The following VPS13D variants were observed in gnomAD, a reference collection of about 807,000 sequenced individuals.
VPS13D encodes the protein vacuolar protein sorting 13 homolog D, also known as intermembrane lipid transfer protein VPS13D.
A neutral mutation model predicts 461.9 loss-of-function variants in VPS13D; 187 were observed. The ratio of observed to expected loss-of-function variants is 0.40; its 90% CI spans 0.36 to 0.46. The LOEUF is 0.46. Among genes scored for constraint, VPS13D ranks in the 20% least tolerant of loss-of-function variants. The pLI is 0.60. For synonymous variants in VPS13D, 1,951 were observed against 1,986.3 expected (o/e 0.98, Z 0.47); for missense variants, 4,711 against 5,364.9 (o/e 0.88, Z 3.81).
intron 18 of VPS13D, among the ~76,000 whole-genome samples, chr1:12,273,422 A>C (rs1420669311): frequency 6.6e-6 from 1 of 152,194 alleles, no homozygotes; most frequent in East Asian, 1.9e-4. Context: ...TATTGAGATA[A>C]TTCTAAGTTT....
At chr1:12,233,335 T>C (rs977287909) in intron 1 of VPS13D, among the ~76,000 whole-genome samples, 1 of 152,190 alleles carries the variant, frequency 6.6e-6, no homozygotes, top group Non-Finnish European at 1.5e-5. Context: ...AGACAATCTC[T>C]TACGGCATTT....
chr1:12,411,157 A>C (rs766760230), intron 63 of VPS13D, among the ~76,000 whole-genome samples: 4 of 152,246 alleles, frequency 2.6e-5, no homozygotes, highest in African/African-American at 4.8e-5. Flanking sequence ...TAGGAGCTGG[A>C]AAGGAAAATA....
intron 60 of VPS13D, among the ~76,000 whole-genome samples, chr1:12,397,639 C>T (rs1021766683): frequency 6.6e-6 from 1 of 152,170 alleles, no homozygotes; most frequent in Admixed American, 6.5e-5. Flanking sequence ...GCTCTTGAGC[C>T]AACAGCCTAG....
intron 67 of VPS13D, among the ~76,000 whole-genome samples, chr1:12,469,012 T>A (rs1221671369): frequency 1.3e-5 from 2 of 150,610 alleles, no homozygotes; most frequent in Non-Finnish European, 3.0e-5. Context: ...CCAGCCTGGG[T>A]GATGGGAGTG....
chr1:12,380,487 A>G (rs1644258826), intron 57 of VPS13D, among the ~76,000 whole-genome samples: 1 of 152,232 alleles, frequency 6.6e-6, no homozygotes, highest in African/African-American at 2.4e-5. Context: ...CAGCCAGTCT[A>G]CCTCATGATA....
chr1:12,448,546 C>G (rs1008531980), intron 65 of VPS13D, among the ~76,000 whole-genome samples: 2 of 152,204 alleles, frequency 1.3e-5, no homozygotes, highest in Non-Finnish European at 2.9e-5. Flanking sequence ...AAGTCCTACA[C>G]TGGGTCCTAG....
chr1:12,262,215 C>A, intron 13 of VPS13D, 135 bp downstream of exon 13: 1 of 961,360 alleles, frequency 1.0e-6, no homozygotes, highest in Non-Finnish European at 1.5e-6. Context: ...GGAACCATTG[C>A]TCTTAGGGGA....
chr1:12,256,366 C>T lies in VPS13D; in HGVS notation c.703C>T (p.His235Tyr). 1 of 1,613,994 alleles carries T rather than the reference C, an allele frequency of 6.2e-7. No individual in the cohort carries two copies. Among genetic ancestry groups the T allele is most frequent in the East Asian group, 2.2e-5 (1 of 44,886 alleles). The change falls in exon 8 of 70, where the codon CAT becomes TAT. Residue 235 changes from histidine to tyrosine, a missense_variant. His to Tyr is a moderately conservative substitution (Grantham distance 83, BLOSUM62 2). Transcript: ENST00000620676. ...GGCCAGGAGCATGGAGAGTCGCAGC[C>T]ATCACTACGTCCTGGAGCCTGTGTT... ...AMARSMESRS[H>Y]HYVLEPVFAS...
intron 65 of VPS13D, among the ~76,000 whole-genome samples, chr1:12,446,644 C>G (rs1486411287): frequency 6.6e-6 from 1 of 152,128 alleles, no homozygotes; most frequent in Non-Finnish European, 1.5e-5. Flanking sequence ...CTTTCCAGAG[C>G]AGTAGCTTCT....
intron 67 of VPS13D, among the ~76,000 whole-genome samples, chr1:12,472,664 GA>G: frequency 6.6e-6 from 1 of 152,224 alleles, no homozygotes. Context: ...TTTCCCTTTA[GA>G]GGGGTCTCTG....
chr1:12,245,256 T>C (rs765675748), intron 5 of VPS13D, among the ~76,000 whole-genome samples: 3 of 152,220 alleles, frequency 2.0e-5, no homozygotes, highest in Admixed American at 6.5e-5. Context: ...TTGTCCATAC[T>C]TACTACCTCT....
chr1:12,345,306 C>T, intron 42 of VPS13D, 68 bp from the exon 43 acceptor site: 1 of 1,530,326 alleles, frequency 6.5e-7, no homozygotes, highest in Non-Finnish European at 8.9e-7. Flanking sequence ...AGATTTGTGT[C>T]TTTGCTTCTA....
Position 12,242,554 on chromosome 1 carries a change from T to G in VPS13D, c.139T>G (p.Leu47Val). The part of the protein sequence containing the change: ...LENLPLKKDA[L>V]KELELPFEVK... ...AAACTTGCCATTAAAGAAAGATGCC[T>G]TGAAAGAATTGGAATTACCATTTGA... The change falls in exon 3 of 70, where the codon TTG becomes GTG. Residue 47 changes from leucine (L) to valine (V), a missense_variant. Leu to Val is a conservative substitution (Grantham distance 32). Around this residue, in one of 3 missense-constraint regions of VPS13D, gnomAD observed 4,411 missense variants for 4,937.8 expected, o/e 0.89. Transcript: ENST00000620676. 1 of 1,614,214 alleles carries G rather than the reference T, an allele frequency of 6.2e-7. No individual in the cohort carries two copies. Among genetic ancestry groups the G allele is most frequent in the East Asian group, 2.2e-5 (1 of 44,884 alleles).
rs377758732 is a variant in VPS13D at position 12,323,465 on chromosome 1, C to T, written c.7916-241C>T. On this transcript the variant is annotated intron_variant, in intron 34 of 69. Transcript: ENST00000620676. ...AGGGGCCAGATGCGAAATAGACCTTCCCCCCCCACCCCAATTCCTGGCCAG... is the reference window on the plus strand; with the variant it reads ...AGGGGCCAGATGCGAAATAGACCTTTCCCCCCCACCCCAATTCCTGGCCAG... Among the ~76,000 whole-genome samples the T allele has an allele frequency of 1.7e-3, 259 of 150,666 alleles. 5 individuals are homozygous for T. The highest frequency in any genetic ancestry group is 6.0e-3 in the African/African-American group (247 of 41,070).
chr1:12,423,510 A>G (rs1406076833), intron 65 of VPS13D, among the ~76,000 whole-genome samples: 1 of 152,262 alleles, frequency 6.6e-6, no homozygotes, highest in Non-Finnish European at 1.5e-5. Flanking sequence ...GACCGAGAAA[A>G]CGAGAAATTC....
At chr1:12,474,932 G>A (rs1645610602) in intron 67 of VPS13D, among the ~76,000 whole-genome samples, 1 of 152,112 alleles carries the variant, frequency 6.6e-6, no homozygotes, top group African/African-American at 2.4e-5. Context: ...CCCTATTAAA[G>A]CCCAATATAC....
Position 12,378,424 on chromosome 1 carries a change from A to C in VPS13D, c.10918-4A>C, listed in dbSNP as rs376482821. 8.1e-6 allele frequency: 13 copies of C among 1,596,808 alleles called. No homozygotes were observed. Among genetic ancestry groups the C allele is most frequent in the Non-Finnish European group, 1.1e-5 (13 of 1,172,870 alleles). On this transcript the variant is annotated splice_region_variant and splice_polypyrimidine_tract_variant and intron_variant, in intron 55 of 69. Transcript: ENST00000620676. ...TTCTCTTTTTGCTTGTACCTACTTA[A>C]CAGGAACCAGGAAAGCGTTCTCAGC...
intron 35 of VPS13D, among the ~76,000 whole-genome samples, chr1:12,324,941 C>T (rs1218877529): frequency 1.3e-5 from 2 of 152,288 alleles, no homozygotes; most frequent in Non-Finnish European, 1.5e-5. Flanking sequence ...ACATCTTAGT[C>T]CCCTACGATG....
chr1:12,499,635 A>G (rs1343128144), intron 68 of VPS13D: 2 of 985,368 alleles, frequency 2.0e-6, no homozygotes, highest in Admixed American at 6.1e-5. Context: ...AGGAAGAGAT[A>G]TTGGCATGAA....
Sources: allele counts gnomAD v4.1 joint callset (sites outside exome capture counted in the v4.1 genomes callset), GRCh38; gene constraint gnomAD v4.1.1; regional missense constraint gnomAD v4.1.1; transcripts MANE v1.5; gene names NCBI Gene and HGNC (gene_info 2026-07-23, HGNC 2026-07-21).